KNG1: variants seen among roughly 807,000 people sequenced by gnomAD.
KNG1 encodes the protein kininogen-1.
KNG1 carries 23 observed loss-of-function variants against 47.8 expected under a neutral mutation model. That is an observed-to-expected ratio of 0.48 (90% confidence interval 0.35 to 0.68). The LOEUF (loss-of-function observed/expected upper bound fraction) is 0.68. KNG1 is among the 30% of genes least tolerant of loss of function. KNG1 has a pLI of 0.01. For missense variants in KNG1, 762 were observed against 790.2 expected, an observed-to-expected ratio of 0.96 and a Z score of 0.43; for synonymous variants, 277 against 277.0, an observed-to-expected ratio of 1.00 and a Z score of 0.00.
intron 7 of KNG1, chr3:186,736,974 T>G (rs895064118): frequency 6.6e-6 from 1 of 152,218 alleles, no homozygotes; most frequent in Admixed American, 6.5e-5. Context: ...ATCACTTGAA[T>G]TTAGGAGGCG....
chr3:186,724,172 G>A (rs181474150), intron 3 of KNG1, among the ~76,000 whole-genome samples: 30 of 152,208 alleles, frequency 2.0e-4, no homozygotes, highest in Non-Finnish European at 3.7e-4. Flanking sequence ...TTTCCATAGT[G>A]GTTGCACTAA....
At chr3:186,734,166 T>G (rs1720612611) in intron 7 of KNG1, among the ~76,000 whole-genome samples, 1 of 152,184 alleles carries the variant, frequency 6.6e-6, no homozygotes, top group South Asian at 2.1e-4. Context: ...CACTAAAAAG[T>G]TCATACTTTT....
At position 186,727,284 on chromosome 3, in the gene KNG1, G is replaced by C. The variant is rs142183659; in HGVS notation, c.612G>C (p.Thr204=). ...GAATTACCTACTCAATTGTGCAAACGAATTGTTCCAAAGAGAATTTTCTGT... is the reference window on the plus strand; with the variant it reads ...GAATTACCTACTCAATTGTGCAAACCAATTGTTCCAAAGAGAATTTTCTGT... The part of the protein sequence containing the change: ...NFRITYSIVQ[T]NCSKENFLFL... Residue 204 remains threonine (T), a synonymous_variant, in exon 5 of 10, where the codon ACG becomes ACC. Transcript: ENST00000644859. 1.2e-6 allele frequency: 2 copies of C among 1,613,878 alleles called. No homozygotes were observed. The highest frequency in any genetic ancestry group is 2.7e-5 in the African/African-American group (2 of 74,912).
At chr3:186,724,497 A>T (rs990458743) in intron 3 of KNG1, among the ~76,000 whole-genome samples, 1 of 152,110 alleles carries the variant, frequency 6.6e-6, no homozygotes, top group African/African-American at 2.4e-5. Context: ...CATTTCCCTA[A>T]TGCTTAGTGA....
Position 186,725,037 on chromosome 3 carries a change from G to A in KNG1, c.392-51G>A, listed in dbSNP as rs527428084. On this transcript the variant is annotated intron_variant, in intron 3 of 9. Transcript: ENST00000644859. ...CTTCTTTGTTTAGGGCAGTGTATGC[G>A]AATGCTGATTGCGATCATTAATGCT... 92 of 1,595,740 alleles carry A rather than the reference G, an allele frequency of 5.8e-5. No individual in the cohort carries two copies. The South Asian group carries it at 9.0e-4, about 16-fold the overall frequency.
Position 186,742,062 on chromosome 3 carries a change from G to A in KNG1, c.1666G>A (p.Val556Ile), listed in dbSNP as rs200259344. Reference protein sequence around the residue: ...TPIPSLAKPGVTVTFSDFQDS... With the variant: ...TPIPSLAKPGITVTFSDFQDS... ...CATCCCTTCCCTAGCCAAGCCAGGT[G>A]TAACAGTTACCTTTTCTGACTTTCA... The change falls in exon 10 of 10, where the codon GTA (valine) becomes ATA (isoleucine). Residue 556 changes from valine (V) to isoleucine (I), a missense_variant. Coordinates refer to ENST00000644859, the MANE Select transcript of KNG1 (RefSeq NM_001102416.3). 1.1e-5 allele frequency: 18 copies of A among 1,613,990 alleles called. No homozygotes were observed. In the Middle Eastern group the frequency reaches 4.9e-4, roughly 44 times the overall value.
intron 4 of KNG1, among the ~76,000 whole-genome samples, chr3:186,727,015 G>GGTGT (rs112688792): frequency 3.3e-4 from 34 of 104,468 alleles, no homozygotes; most frequent in African/African-American, 9.7e-4. Context: ...GATGGCTAGC[G>GGTGT]GTGTATGTGT....
chr3:186,743,069 A>T lies in KNG1; in HGVS notation c.*738A>T. ...CCCTTTCTGAGTGAGAGTGTTTCTC[A>T]TAAGTCAAAAATTTCTGTTTACTCA... On this transcript the variant is annotated 3_prime_UTR_variant, in exon 10 of 10. Transcript: ENST00000644859. 2.0e-6 allele frequency: 1 copy of T among 508,082 alleles called. No homozygotes were observed. The highest frequency in any genetic ancestry group is 2.5e-6 in the Non-Finnish European group (1 of 393,892). 31.5% of individuals were successfully genotyped at this position (508,082 alleles called of 1,614,324 possible). A position where few individuals can be genotyped will look rare whatever the true frequency, so the allele number is the denominator to read the frequency against.
Position 186,741,533 on chromosome 3 carries a change from GA to G in KNG1, c.1141del (p.Arg381GlyfsTer13). The G allele has an allele frequency of 6.2e-7, 1 of 1,609,810 alleles. No individual in the cohort carries two copies. Among genetic ancestry groups the G allele is most frequent in the African/African-American group, 1.3e-5 (1 of 74,520 alleles). On this transcript the variant is annotated frameshift_variant, in exon 10 of 10. Transcript: ENST00000644859. LOFTEE classifies it low-confidence loss of function (END_TRUNC). ...CQPLGMISLMKRPPGFSPFRS... is the reference protein window; with the variant it reads ...CQPLGMISLMXRPPGFSPFRS... The stretch of plus-strand genomic sequence containing the variant: ...TATTTTCTGTTTAGATCTCACTGAT[GA>G]AAAGGCCTCCAGGTTTTTCACCTTT...
chr3:186,730,025 T>G (rs1444698704), intron 5 of KNG1, among the ~76,000 whole-genome samples: 1 of 138,884 alleles, frequency 7.2e-6, no homozygotes, highest in African/African-American at 3.5e-5. Context: ...TTCTATTTGT[T>G]TGTTCTATTT....
chr3:186,725,994 G>A (rs1415946628), intron 4 of KNG1, among the ~76,000 whole-genome samples: 2 of 150,148 alleles, frequency 1.3e-5, no homozygotes, highest in African/African-American at 2.5e-5. Context: ...GCAGTGGCGC[G>A]ATCTTGGCTC....
At chr3:186,727,965 C>T (rs5030028) in intron 5 of KNG1, among the ~76,000 whole-genome samples, 35,621 of 152,078 alleles carry the variant, frequency 0.23, 4,298 homozygotes, top group South Asian at 0.33. Flanking sequence ...CACACTTTCC[C>T]ATTTCCTTTT....
intron 2 of KNG1, among the ~76,000 whole-genome samples, chr3:186,720,784 C>CTTTTTTTTTTTT (rs1167537831): frequency 1.1e-5 from 1 of 89,752 alleles, no homozygotes; most frequent in Non-Finnish European, 2.1e-5. Flanking sequence ...TGTTGTTTTG[C>CTTTTTTTTTTTT]TTTTTTTTTT....
chr3:186,725,461 T>C (rs166479), intron 4 of KNG1, among the ~76,000 whole-genome samples: 81,367 of 151,020 alleles, frequency 0.54, 22,099 homozygotes, highest in Middle Eastern at 0.62. Context: ...CTTCCTTTGA[T>C]GTTTGATTTT....
intron 2 of KNG1, chr3:186,720,496 T>G: frequency 2.1e-5 from 8 of 375,606 alleles, no homozygotes; most frequent in African/African-American, 2.1e-5. Context: ...GATAACAAAT[T>G]GACATTTGGG....
At chr3:186,718,567 A>C (rs1366540091) in intron 1 of KNG1, 1 of 151,608 alleles carries the variant, frequency 6.6e-6, no homozygotes, top group Non-Finnish European at 1.5e-5. Context: ...AGAGAAGTAG[A>C]ATCTAGGGTG....
chr3:186,732,614 T>C lies in KNG1; in HGVS notation c.870T>C (p.Asn290=), dbSNP rs370044718. ...TGACTCACACCATCACAAAGCTTAA[T>C]GCAGAGAATAACGCAACTTTCTATT... ...ETLTHTITKL[N]AENNATFYFK... is the part of the protein sequence containing the mutation. Residue 290 remains asparagine, a synonymous_variant, in exon 7 of 10, where the codon AAT becomes AAC. Transcript: ENST00000644859. 23 of 1,614,020 alleles carry C rather than the reference T, an allele frequency of 1.4e-5. No individual in the cohort carries two copies. Among genetic ancestry groups the C allele is most frequent in the Non-Finnish European group, 1.9e-5 (23 of 1,180,000 alleles).
At chr3:186,732,029 G>T (rs555587195) in intron 6 of KNG1, among the ~76,000 whole-genome samples, 5 of 152,288 alleles carry the variant, frequency 3.3e-5, no homozygotes, top group African/African-American at 2.4e-5. Flanking sequence ...TGTTATAATG[G>T]GAAGAAATGG....
chr3:186,738,971 T>A, intron 7 of KNG1, 128 bp from the exon 8 acceptor site: 1 of 798,168 alleles, frequency 1.3e-6, no homozygotes, highest in African/African-American at 1.7e-5. Flanking sequence ...AAACGTGTAC[T>A]TTTTTGTATG....
Sources: allele counts gnomAD v4.1 joint callset (sites outside exome capture counted in the v4.1 genomes callset), GRCh38; gene constraint gnomAD v4.1.1; transcripts MANE v1.5; gene names NCBI Gene and HGNC (gene_info 2026-07-23, HGNC 2026-07-21).